Variants in DNHD1 observed in about 807,000 individuals in gnomAD.
DNHD1 encodes dynein heavy chain domain-containing protein 1.
DNHD1 carries 383 observed loss-of-function variants against 458.1 expected under a neutral mutation model. The observed-to-expected ratio is 0.84, with a 90% CI of 0.77 to 0.91. DNHD1 has a LOEUF of 0.91. Ranked by LOEUF, DNHD1 falls within the 40% of genes least tolerant of loss-of-function variation. The pLI is 0.00. For missense variants in DNHD1, 5,336 were observed against 5,866.1 expected (o/e 0.91, Z 2.95); for synonymous variants, 2,203 against 2,376.9 (o/e 0.93, Z 2.13).
At chr11:6,542,138 G>A (rs147827486) in intron 18 of DNHD1, among the ~76,000 whole-genome samples, 7 of 152,238 alleles carry the variant, frequency 4.6e-5, no homozygotes, top group African/African-American at 1.4e-4. Context: ...GTTTTGGTGT[G>A]GACTGACACA....
chr11:6,550,468 G>T (rs1007204527), intron 24 of DNHD1, among the ~76,000 whole-genome samples: 1 of 152,090 alleles, frequency 6.6e-6, no homozygotes, highest in Non-Finnish European at 1.5e-5. Flanking sequence ...AATGTAAAAG[G>T]TGTCCTTGAG....
At chr11:6,568,605 C>T (rs779178202) in intron 38 of DNHD1, 29 bp downstream of exon 38, 15 of 1,613,740 alleles carry the variant, frequency 9.3e-6, no homozygotes, top group Non-Finnish European at 1.3e-5. Context: ...TACAGGCTCT[C>T]AAATTGGAAG....
chr11:6,519,876 G>A lies in DNHD1; in HGVS notation c.1647+22G>A, dbSNP rs2555144. 1.2e-4 allele frequency: 201 copies of A among 1,612,868 alleles called. 3 individuals are homozygous for A. In the East Asian group the frequency reaches 3.3e-3, roughly 26 times the overall value. On this transcript the variant is annotated intron_variant, in intron 8 of 42. Transcript: ENST00000254579. ...TCAAGTGAGGTGGTGGGTGGCATGT[G>A]TGGAGGTGGCAGGCAGTCCAGGGCC... is the stretch of plus-strand genomic sequence containing the variant.
intron 24 of DNHD1, among the ~76,000 whole-genome samples, chr11:6,555,870 G>A (rs1417400191): frequency 6.6e-6 from 1 of 152,140 alleles, no homozygotes; most frequent in African/African-American, 2.4e-5. Context: ...AAATATCATT[G>A]GGGTGGTGAT....
rs2134412069 is a variant in DNHD1 at position 6,533,063 on chromosome 11, C to A, written c.2384C>A (p.Ala795Glu). Reference sequence around the variant, plus strand: ...AACAGCATAAGGAAGGACATTCTTGCACACGTGCAAAATGAGTGCTGGAAC... The same window carrying A: ...AACAGCATAAGGAAGGACATTCTTGAACACGTGCAAAATGAGTGCTGGAAC... ...KLNSIRKDIL[A>E]HVQNECWNLS... Residue 795 changes from alanine to glutamate, a missense_variant, in exon 13 of 43, where the codon GCA (alanine) becomes GAA (glutamate). Ala to Glu is a moderately radical substitution (Grantham distance 107). Around this residue, in one of 4 missense-constraint regions of DNHD1, gnomAD observed 3,932 missense variants for 4,365.6 expected, o/e 0.90. Coordinates refer to ENST00000254579, the MANE Select transcript of DNHD1 (RefSeq NM_144666.3). 1 of 1,551,694 alleles carries A rather than the reference C, an allele frequency of 6.4e-7. No individual in the cohort carries two copies. The highest frequency in any genetic ancestry group is 8.7e-7 in the Non-Finnish European group (1 of 1,146,986).
intron 10 of DNHD1, among the ~76,000 whole-genome samples, chr11:6,521,044 A>G (rs1030112042): frequency 1.3e-5 from 2 of 152,248 alleles, no homozygotes; most frequent in Non-Finnish European, 2.9e-5. Context: ...GTTTTCTCCA[A>G]ATAAATTTAG....
At position 6,548,101 on chromosome 11, in the gene DNHD1, TAAA is replaced by T; in HGVS notation, c.6905+64_6905+66del. Reference sequence around the variant, plus strand: ...GCTGAGATGGACTGGCCCATGGAAGTAAAAACCCACATGACATCACTGTTAGGG... The same window carrying T: ...GCTGAGATGGACTGGCCCATGGAAGTAACCCACATGACATCACTGTTAGGG... On this transcript the variant is annotated intron_variant, in intron 22 of 42. Coordinates refer to ENST00000254579, the MANE Select transcript of DNHD1 (RefSeq NM_144666.3). This position sits in a 1 kb window ranked among gnomAD's most constrained non-coding sequence, Gnocchi z 4.4. 1 of 1,548,780 alleles carries T rather than the reference TAAA, an allele frequency of 6.5e-7. No individual in the cohort carries two copies. The highest frequency in any genetic ancestry group is 8.7e-7 in the Non-Finnish European group (1 of 1,144,452).
chr11:6,499,497 GTCT>G (rs1315783266), intron 3 of DNHD1, among the ~76,000 whole-genome samples: 1 of 152,132 alleles, frequency 6.6e-6, no homozygotes, highest in Non-Finnish European at 1.5e-5. Context: ...CCCTTCCAGA[GTCT>G]TCTTCTTGCC....
At chr11:6,529,873 T>A (rs1852791908) in intron 12 of DNHD1, among the ~76,000 whole-genome samples, 2 of 152,148 alleles carry the variant, frequency 1.3e-5, no homozygotes, top group South Asian at 4.1e-4. Context: ...GACCTGTCCT[T>A]GTCTTAACAT....
chr11:6,530,738 CTT>C lies in DNHD1; in HGVS notation c.2347+1618_2347+1619del, dbSNP rs1852811037. Among the ~76,000 whole-genome samples the C allele has an allele frequency of 1.3e-5, 2 of 152,180 alleles. 1 individual carries two copies. Among genetic ancestry groups the C allele is most frequent in the African/African-American group, 4.8e-5 (2 of 41,438 alleles). ...CAGTGGGCCACTAAAACTCCCTCCT[CTT>C]GTACAGGGGGTTCAGGCGGGCAAGG... On this transcript the variant is annotated intron_variant, in intron 12 of 42. Coordinates refer to ENST00000254579, the MANE Select transcript of DNHD1 (RefSeq NM_144666.3).
chr11:6,558,121 T>C lies in DNHD1; in HGVS notation c.8826T>C (p.Ala2942=). 1 of 1,551,676 alleles carries C rather than the reference T, an allele frequency of 6.4e-7. No homozygotes were observed. The highest frequency in any genetic ancestry group is 8.7e-7 in the Non-Finnish European group (1 of 1,146,984). Residue 2942 remains alanine (A), a synonymous_variant, in exon 25 of 43, where the codon GCT becomes GCC. Transcript: ENST00000254579. ...CTGGCATGTTAAGCCAGCCAGTGGCTCTGTTGGTACCCAGTGGTGTGGATC... is the reference window on the plus strand; with the variant it reads ...CTGGCATGTTAAGCCAGCCAGTGGCCCTGTTGGTACCCAGTGGTGTGGATC... The part of the protein sequence containing the change: ...WHAGMLSQPV[A]LLVPSGVDLT...
chr11:6,560,041 T>TGGA (rs1853552666), intron 28 of DNHD1, among the ~76,000 whole-genome samples: 1 of 152,242 alleles, frequency 6.6e-6, no homozygotes, highest in Non-Finnish European at 1.5e-5. Flanking sequence ...TGATAGGGCT[T>TGGA]ATCACACCTT....
chr11:6,541,483 C>T (rs779195776), intron 18 of DNHD1, among the ~76,000 whole-genome samples: 2 of 152,100 alleles, frequency 1.3e-5, no homozygotes, highest in African/African-American at 2.4e-5. Flanking sequence ...TTGAAATCTG[C>T]GAGTTTCAGT....
rs760606769 is a variant in DNHD1, at chr11:6,568,734, A to T, written c.12731A>T (p.Asp4244Val). The T allele has an allele frequency of 6.2e-7, 1 of 1,613,546 alleles. No homozygotes were observed. Among genetic ancestry groups the T allele is most frequent in the Non-Finnish European group, 8.5e-7 (1 of 1,179,820 alleles). ...QSLELGHVLI[D>V]SVELAQQVLY... The stretch of plus-strand genomic sequence containing the variant: ...CTGGAGCTGGGCCATGTTTTGATTG[A>T]CAGTGTGGAGCTAGCCCAGCAAGTA... Residue 4244 changes from aspartate (D) to valine (V), a missense_variant, in exon 39 of 43, where the codon GAC (aspartate) becomes GTC (valine). Asp to Val is a radical substitution (Grantham distance 152). Transcript: ENST00000254579.
At chr11:6,553,576 ACATAGAGACCCCAAAGG>A (rs1853404606) in intron 24 of DNHD1, among the ~76,000 whole-genome samples, 1 of 152,226 alleles carries the variant, frequency 6.6e-6, no homozygotes, top group Admixed American at 6.5e-5. Flanking sequence ...ATGATTGTCT[ACATAGAGACCCCAAAGG>A]AATATTTTTT....
chr11:6,539,245 A>T lies in DNHD1; in HGVS notation c.3352A>T (p.Ile1118Leu), dbSNP rs1409840125. 5 of 1,551,634 alleles carry T rather than the reference A, an allele frequency of 3.2e-6. No individual in the cohort carries two copies. Among genetic ancestry groups the T allele is most frequent in the Non-Finnish European group, 4.4e-6 (5 of 1,146,958 alleles). The stretch of plus-strand genomic sequence containing the variant: ...CCTTGGGCTGGGCAGTCTCCAAACT[A>T]TAGAACTCCTAACGCTGGGCCAGCT... ...RALGLGSLQT[I>L]ELLTLGQLLT... The change falls in exon 17 of 43, where the codon ATA becomes TTA. Residue 1118 changes from isoleucine (I) to leucine (L), a missense_variant. Around this residue, in one of 4 missense-constraint regions of DNHD1, gnomAD observed 3,932 missense variants for 4,365.6 expected, o/e 0.90. Coordinates refer to ENST00000254579, the MANE Select transcript of DNHD1 (RefSeq NM_144666.3).
At position 6,568,214 on chromosome 11, in the gene DNHD1, C is replaced by T. The variant is rs1361474565; in HGVS notation, c.12510C>T (p.Leu4170=). 1.9e-6 allele frequency: 3 copies of T among 1,552,006 alleles called. No individual in the cohort carries two copies. Among genetic ancestry groups the T allele is most frequent in the Admixed American group, 2.0e-5 (1 of 51,034 alleles). Residue 4170 remains leucine, a synonymous_variant, in exon 37 of 43, where the codon CTC becomes CTT. Coordinates refer to ENST00000254579, the MANE Select transcript of DNHD1 (RefSeq NM_144666.3). ...MPHWPKELLQ[L]LLELLGRAKV... ...ATTGGCCGAAAGAGCTGCTACAGCT[C>T]TTGCTGGAACTGTTAGGCAGAGCCA...
chr11:6,549,329 A>G (rs1853286864), intron 24 of DNHD1, among the ~76,000 whole-genome samples: 1 of 152,222 alleles, frequency 6.6e-6, no homozygotes, highest in Non-Finnish European at 1.5e-5. Context: ...TCTTGTTGAC[A>G]TCTCATTCTC....
chr11:6,532,671 A>AC (rs1377963204), intron 12 of DNHD1, among the ~76,000 whole-genome samples: 2 of 151,674 alleles, frequency 1.3e-5, no homozygotes, highest in East Asian at 3.9e-4. Context: ...TTCTCAGGAT[A>AC]CCCCCCGGCA....
Sources: allele counts gnomAD v4.1 joint callset (sites outside exome capture counted in the v4.1 genomes callset), GRCh38; gene constraint gnomAD v4.1.1; regional missense constraint gnomAD v4.1.1; non-coding constraint Gnocchi (gnomAD v3.1); transcripts MANE v1.5; gene names NCBI Gene and HGNC (gene_info 2026-07-23, HGNC 2026-07-21).